The following SOS2 variants were observed in gnomAD, a reference collection of about 807,000 sequenced individuals.
SOS2 encodes SOS Ras/Rho guanine nucleotide exchange factor 2, also known as son of sevenless homolog 2.
In SOS2, 65 loss-of-function variants were observed where a neutral mutation model predicts 148.2. The ratio of observed to expected loss-of-function variants is 0.44; its 90% confidence interval spans 0.36 to 0.54. SOS2 has a LOEUF of 0.54. Ranked by LOEUF, SOS2 falls within the 20% of genes least tolerant of loss-of-function variation. The pLI is 0.00. For missense variants in SOS2, 1,341 were observed against 1,590.2 expected (o/e 0.84, Z 2.67); for synonymous variants, 539 against 537.1 (o/e 1.00, Z -0.05).
At chr14:50,146,501 C>T (rs555107700) in intron 14 of SOS2, among the ~76,000 whole-genome samples, 3 of 152,116 alleles carry the variant, frequency 2.0e-5, no homozygotes, top group South Asian at 4.1e-4. Flanking sequence ...AAGAAATTAG[C>T]CGGGCGTAGT....
At chr14:50,153,002 A>G in intron 13 of SOS2, 68 bp downstream of exon 13, 1 of 754,008 alleles carries the variant, frequency 1.3e-6, no homozygotes, top group Non-Finnish European at 2.2e-6. Context: ...TAGTTTCTTA[A>G]AGTCACACAA....
rs528493754 is a variant in SOS2, at chr14:50,175,524, C to T, written c.970-972G>A. Among the ~76,000 whole-genome samples the T allele has an allele frequency of 1.5e-4, 20 of 137,812 alleles. No individual in the cohort carries two copies. The South Asian group carries it at 4.6e-3, about 32-fold the overall frequency. 90.4% of individuals were successfully genotyped at this position (137,812 alleles called of 152,430 possible). ...GGAAATACATAACAGCAAAAGGTAA[C>T]AAGTAAGAGACTTTGGAAAAGACAA... On this transcript the variant is annotated intron_variant, in intron 7 of 22. Coordinates refer to ENST00000216373, the MANE Select transcript of SOS2 (RefSeq NM_006939.4).
In SOS2 at chr14:50,122,896, AAC is replaced by A. The variant is rs543026222; in HGVS notation, c.3380-2514_3380-2513del. On this transcript the variant is annotated intron_variant, in intron 21 of 22. Coordinates refer to ENST00000216373, the MANE Select transcript of SOS2 (RefSeq NM_006939.4). ...TTTTCTGCCATTCATTCATTCATTC[AAC>A]AGTTATTGGGCACCTGCTAATACTG... 1.7e-3 allele frequency among the ~76,000 whole-genome samples: 260 copies of A among 152,340 alleles called. 1 individual carries two copies. Among genetic ancestry groups the A allele is most frequent in the Non-Finnish European group, 2.5e-3 (171 of 68,036 alleles).
At position 50,188,574 on chromosome 14, in the gene SOS2, ACTGT is replaced by A; in HGVS notation, c.633_636del (p.Arg211SerfsTer6). 1.2e-6 allele frequency: 2 copies of A among 1,607,810 alleles called. No homozygotes were observed. Among genetic ancestry groups the A allele is most frequent in the South Asian group, 1.1e-5 (1 of 89,998 alleles). ...ATGATCATATTTAATTCCCGTAGATACTGTCTTTCTTCTGCGATTTCAGTTCTGA... is the reference window on the plus strand; with the variant it reads ...ATGATCATATTTAATTCCCGTAGATACTTTCTTCTGCGATTTCAGTTCTGA... On this transcript the variant is annotated frameshift_variant, in exon 5 of 23. Coordinates refer to ENST00000216373, the MANE Select transcript of SOS2 (RefSeq NM_006939.4). LOFTEE classifies it high-confidence loss of function.
rs753726793 is a variant in SOS2, at chr14:50,149,957, A to G, written c.2384+51T>C. ...TGTGCAAAATGTTTTGAAAATAGGTAATGTTCAAGATTCTTAAAAATAAAG... is the reference window on the plus strand; with the variant it reads ...TGTGCAAAATGTTTTGAAAATAGGTGATGTTCAAGATTCTTAAAAATAAAG... On this transcript the variant is annotated intron_variant, in intron 14 of 22. Coordinates refer to ENST00000216373, the MANE Select transcript of SOS2 (RefSeq NM_006939.4). The G allele has an allele frequency of 1.1e-5, 14 of 1,224,484 alleles. No homozygotes were observed. In the South Asian group the frequency reaches 1.3e-4, roughly 12 times the overall value. The allele number at this position is 1,224,484 out of a possible 1,614,324, so 75.9% of individuals were successfully genotyped here. A position where few individuals can be genotyped will look rare whatever the true frequency, so the allele number is the denominator to read the frequency against.
At chr14:50,148,558 T>G (rs1011111834) in intron 14 of SOS2, among the ~76,000 whole-genome samples, 1 of 152,210 alleles carries the variant, frequency 6.6e-6, no homozygotes, top group African/African-American at 2.4e-5. Flanking sequence ...AAAAACATGA[T>G]GCAGTACTAT....
At chr14:50,153,987 GT>G (rs1017498568) in intron 12 of SOS2, among the ~76,000 whole-genome samples, 9 of 91,604 alleles carry the variant, frequency 9.8e-5, no homozygotes, top group Admixed American at 6.4e-4. Flanking sequence ...AAATAGAACT[GT>G]TTTGTTTTAC....
chr14:50,225,638 A>G (rs146712806), intron 1 of SOS2, among the ~76,000 whole-genome samples: 3,218 of 152,286 alleles, frequency 0.021, 59 homozygotes, highest in Middle Eastern at 0.031. Flanking sequence ...ATTAGTTTGG[A>G]ATAATTCCAA....
chr14:50,133,813 C>G (rs1883986042), intron 19 of SOS2, among the ~76,000 whole-genome samples: 1 of 151,034 alleles, frequency 6.6e-6, no homozygotes, highest in South Asian at 2.1e-4. Context: ...CTTACTCCTT[C>G]CCAGGTCTTT....
chr14:50,220,778 T>C (rs539365315), intron 1 of SOS2, among the ~76,000 whole-genome samples: 16 of 152,292 alleles, frequency 1.1e-4, no homozygotes, highest in African/African-American at 2.9e-4. Flanking sequence ...GGTGAGAGCT[T>C]ACCATAATAT....
intron 7 of SOS2, among the ~76,000 whole-genome samples, chr14:50,176,245 T>C (rs1885518676): frequency 6.6e-6 from 1 of 152,258 alleles, no homozygotes; most frequent in African/African-American, 2.4e-5. Flanking sequence ...TCTGTTAGCC[T>C]CTTGATATGG....
At chr14:50,120,469 G>C (rs1051198993) in intron 21 of SOS2, 85 bp from the exon 22 acceptor site, 2 of 698,608 alleles carry the variant, frequency 2.9e-6, no homozygotes, top group African/African-American at 3.7e-5. Flanking sequence ...CTTCTACCAT[G>C]GCATTTGTCA....
At chr14:50,178,701 TATATATATATAC>T (rs1566839689) in intron 7 of SOS2, among the ~76,000 whole-genome samples, 1,174 of 20,760 alleles carry the variant, frequency 0.057, 30 homozygotes, top group African/African-American at 0.16. Context: ...TATATATATA[TATATATATATAC>T]ACACATATAC....
intron 7 of SOS2, among the ~76,000 whole-genome samples, chr14:50,175,854 T>A (rs565923352): frequency 6.6e-6 from 1 of 152,228 alleles, no homozygotes; most frequent in East Asian, 1.9e-4. Flanking sequence ...AATATTACCA[T>A]AATTTTCACA....
intron 22 of SOS2, among the ~76,000 whole-genome samples, chr14:50,119,482 C>T: frequency 6.6e-6 from 1 of 152,118 alleles, no homozygotes; most frequent in East Asian, 1.9e-4. Context: ...AGTTTTTTTC[C>T]ACCTGTACCA....
chr14:50,230,936 G>T, intron 1 of SOS2: 1 of 1,101,128 alleles, frequency 9.1e-7, no homozygotes, highest in Non-Finnish European at 1.1e-6. Context: ...GTCAACGGCG[G>T]AAGTTGCCTG....
At chr14:50,190,513 G>A (rs943201463) in intron 4 of SOS2, among the ~76,000 whole-genome samples, 3 of 151,972 alleles carry the variant, frequency 2.0e-5, no homozygotes, top group Non-Finnish European at 2.9e-5. Context: ...CCATCTTACC[G>A]CAGGCTTTAG....
chr14:50,181,131 T>A (rs568692274), intron 6 of SOS2, among the ~76,000 whole-genome samples: 1 of 152,126 alleles, frequency 6.6e-6, no homozygotes, highest in Non-Finnish European at 1.5e-5. Context: ...CAATTCCACT[T>A]CCAGGAATAT....
chr14:50,178,727 C>CAT (rs367720206), intron 7 of SOS2, among the ~76,000 whole-genome samples: 54 of 4,974 alleles, frequency 0.011, no homozygotes, highest in East Asian at 0.062. Context: ...CATATACACA[C>CAT]ACATATATAT....
Sources: allele counts gnomAD v4.1 joint callset (sites outside exome capture counted in the v4.1 genomes callset), GRCh38; gene constraint gnomAD v4.1.1; transcripts MANE v1.5; gene names NCBI Gene and HGNC (gene_info 2026-07-23, HGNC 2026-07-21).